The following SGCZ variants were observed in gnomAD, a reference collection of about 807,000 sequenced individuals.
The protein encoded by SGCZ is sarcoglycan zeta, also known as zeta-sarcoglycan.
Under a neutral mutation model 41.3 loss-of-function variants are expected in SGCZ, and 40 were observed. The ratio of observed to expected loss-of-function variants is 0.97; its 90% CI spans 0.75 to 1.26. The LOEUF is 1.26. Among genes scored for constraint, SGCZ ranks in the 50% most tolerant of loss-of-function variants. The pLI, the probability that SGCZ is intolerant of heterozygous loss-of-function variation, is 0.00. For synonymous variants in SGCZ, 206 were observed against 137.5 expected, an observed-to-expected ratio of 1.50 and a Z score of -3.49; for missense variants, 552 against 369.8, an observed-to-expected ratio of 1.49 and a Z score of -4.04.
rs560381019 is a variant in SGCZ, at chr8:14,401,533, C to T, written c.235-77329G>A. Among the ~76,000 whole-genome samples the T allele has an allele frequency of 5.1e-4, 75 of 147,564 alleles. 1 individual carries two copies. Among genetic ancestry groups the T allele is most frequent in the South Asian group, 4.3e-4 (2 of 4,676 alleles). On this transcript the variant is annotated intron_variant, in intron 2 of 7. Coordinates refer to ENST00000382080, the MANE Select transcript of SGCZ (RefSeq NM_139167.4). ...GTTCCCACCTGTGAGTGAGAATATG[C>T]GGTGTTTGGTTTTTTGTTCTTGCGA... is the stretch of plus-strand genomic sequence containing the variant.
intron 1 of SGCZ, among the ~76,000 whole-genome samples, chr8:15,008,555 GGGA>G (rs1802693882): frequency 1.8e-5 from 1 of 57,002 alleles, no homozygotes; most frequent in Non-Finnish European, 3.9e-5. Context: ...GAGGGAGTGA[GGGA>G]GGGAGGGAGG....
chr8:14,442,247 C>T lies in SGCZ; in HGVS notation c.234+112485G>A, dbSNP rs534283185. Among the ~76,000 whole-genome samples the T allele has an allele frequency of 7.9e-5, 12 of 152,210 alleles. No homozygotes were observed. The South Asian group carries it at 8.3e-4, about 11-fold the overall frequency. ...TGGCAGGTAATTGAATCATGAGATC[C>T]GGTCTTGCCCGTGATATTCTCGTGA... is the stretch of plus-strand genomic sequence containing the variant. On this transcript the variant is annotated intron_variant, in intron 2 of 7. Transcript: ENST00000382080.
chr8:14,146,961 A>T (rs1803545919), intron 5 of SGCZ, among the ~76,000 whole-genome samples: 1 of 151,596 alleles, frequency 6.6e-6, no homozygotes, highest in African/African-American at 2.4e-5. Flanking sequence ...AACAGAAAAA[A>T]AAAACCCAAA....
intron 1 of SGCZ, among the ~76,000 whole-genome samples, chr8:14,596,413 T>C (rs1433773601): frequency 2.6e-5 from 4 of 152,200 alleles, no homozygotes; most frequent in African/African-American, 9.6e-5. Flanking sequence ...GCAATAAAAA[T>C]CATTTAAACA....
At chr8:14,656,452 CTTCTT>C (rs560352650) in intron 1 of SGCZ, among the ~76,000 whole-genome samples, 1,455 of 139,842 alleles carry the variant, frequency 0.01, 13 homozygotes, top group Non-Finnish European at 0.017. Flanking sequence ...CCCTCCCTTC[CTTCTT>C]TTCTTTTCGT....
At chr8:14,447,923 A>G (rs1800479761) in intron 2 of SGCZ, among the ~76,000 whole-genome samples, 1 of 152,202 alleles carries the variant, frequency 6.6e-6, no homozygotes, top group African/African-American at 2.4e-5. Flanking sequence ...CTTATATGGA[A>G]AATGTGCTTG....
intron 4 of SGCZ, among the ~76,000 whole-genome samples, chr8:14,174,150 G>A (rs1804472894): frequency 6.6e-6 from 1 of 151,854 alleles, no homozygotes; most frequent in Non-Finnish European, 1.5e-5. Flanking sequence ...TATACAGACA[G>A]GTAAGTGACC....
At chr8:14,795,711 TATTA>T (rs1801100503) in intron 1 of SGCZ, among the ~76,000 whole-genome samples, 1 of 152,166 alleles carries the variant, frequency 6.6e-6, no homozygotes, top group Admixed American at 6.5e-5. Context: ...TACAAGTGCA[TATTA>T]ATTACATAGG....
chr8:14,827,349 G>T (rs1175650331), intron 1 of SGCZ, among the ~76,000 whole-genome samples: 2 of 149,340 alleles, frequency 1.3e-5, no homozygotes, highest in Non-Finnish European at 1.5e-5. Flanking sequence ...CGATTCTTCT[G>T]CCTCAGCCTC....
chr8:14,297,153 C>A (rs1047689170), intron 3 of SGCZ, among the ~76,000 whole-genome samples: 1 of 152,016 alleles, frequency 6.6e-6, no homozygotes, highest in African/African-American at 2.4e-5. Flanking sequence ...AAACTCCTGA[C>A]CTCAGGTGAT....
chr8:14,223,699 G>A (rs969307530), intron 4 of SGCZ, among the ~76,000 whole-genome samples: 21 of 152,158 alleles, frequency 1.4e-4, no homozygotes, highest in African/African-American at 4.8e-4. Context: ...ATGACCCACG[G>A]AACCACCTGC....
intron 2 of SGCZ, among the ~76,000 whole-genome samples, chr8:14,552,421 A>G (rs1000142266): frequency 2.0e-5 from 3 of 152,060 alleles, no homozygotes; most frequent in African/African-American, 7.2e-5. Flanking sequence ...ATTTTACTTC[A>G]GCTACATGCA....
intron 1 of SGCZ, among the ~76,000 whole-genome samples, chr8:14,876,131 C>G (rs577921754): frequency 9.2e-5 from 14 of 152,120 alleles, no homozygotes; most frequent in Non-Finnish European, 1.8e-4. Context: ...ATAGAGAGAT[C>G]GGACTGCCTA....
chr8:15,188,574 C>A (rs1039006828), intron 1 of SGCZ, among the ~76,000 whole-genome samples: 2 of 152,102 alleles, frequency 1.3e-5, no homozygotes, highest in African/African-American at 4.8e-5. Context: ...CAAAGAATCT[C>A]TCTAAATACT....
chr8:14,328,073 T>C (rs564860025), intron 2 of SGCZ, among the ~76,000 whole-genome samples: 3 of 152,160 alleles, frequency 2.0e-5, no homozygotes, highest in African/African-American at 2.4e-5. Context: ...CTGTCTTGTA[T>C]GAAAAAACGA....
chr8:14,598,479 ATC>A (rs76799966), intron 1 of SGCZ, among the ~76,000 whole-genome samples: 25,805 of 150,094 alleles, frequency 0.17, 2,719 homozygotes, highest in Non-Finnish European at 0.23. Context: ...GGGTTTTATC[ATC>A]TCTCTCTCTC....
At chr8:14,463,051 T>C (rs1800947745) in intron 2 of SGCZ, among the ~76,000 whole-genome samples, 1 of 151,842 alleles carries the variant, frequency 6.6e-6, no homozygotes. Context: ...GCTACTTTGC[T>C]GAATAGGTTT....
rs186865502 is a variant in SGCZ, at chr8:15,155,928, C to T, written c.39+81657G>A. Among the ~76,000 whole-genome samples, 1,009 of 151,824 alleles carry T rather than the reference C, an allele frequency of 6.6e-3. 9 individuals are homozygous for T. Among genetic ancestry groups the T allele is most frequent in the African/African-American group, 0.023 (949 of 41,384 alleles). ...AAAAAATCAGTCAGGTGTAGTGGCG[C>T]ACACCTGTAGTCCAAGCTACTCGAG... On this transcript the variant is annotated intron_variant, in intron 1 of 7. Transcript: ENST00000382080.
intron 4 of SGCZ, among the ~76,000 whole-genome samples, chr8:14,226,302 G>A (rs921128783): frequency 5.3e-5 from 8 of 151,952 alleles, no homozygotes; most frequent in Non-Finnish European, 8.8e-5. Flanking sequence ...CCTAACACAT[G>A]CAGATTGCTG....
Sources: allele counts gnomAD v4.1 joint callset (sites outside exome capture counted in the v4.1 genomes callset), GRCh38; gene constraint gnomAD v4.1.1; transcripts MANE v1.5; gene names NCBI Gene and HGNC (gene_info 2026-07-23, HGNC 2026-07-21).